Variants in KIAA1217 observed in about 807,000 individuals in gnomAD.
KIAA1217 encodes the protein KIAA1217.
KIAA1217 carries 88 observed loss-of-function variants against 163.9 expected under a neutral mutation model. The observed-to-expected ratio is 0.54, with a 90% CI of 0.45 to 0.64. The LOEUF is 0.64. Ranked by LOEUF, KIAA1217 falls within the 30% of genes least tolerant of loss-of-function variation. KIAA1217 has a pLI of 0.00. For missense variants in KIAA1217, 2,372 were observed against 2,475.0 expected (o/e 0.96, Z 0.88); for synonymous variants, 903 against 923.1 (o/e 0.98, Z 0.39).
intron 1 of KIAA1217, among the ~76,000 whole-genome samples, chr10:23,884,345 A>C (rs1282068125): frequency 6.6e-6 from 1 of 151,916 alleles, no homozygotes; most frequent in Non-Finnish European, 1.5e-5. Flanking sequence ...TTTAATTTGC[A>C]TTTCCCTGAT....
intron 1 of KIAA1217, among the ~76,000 whole-genome samples, chr10:23,906,227 G>A (rs929838490): frequency 1.3e-5 from 2 of 151,588 alleles, no homozygotes; most frequent in Non-Finnish European, 2.9e-5. Flanking sequence ...AATTTCAGAA[G>A]GGACATGAAC....
chr10:24,375,934 C>A (rs117770317), intron 2 of KIAA1217, among the ~76,000 whole-genome samples: 1 of 152,300 alleles, frequency 6.6e-6, no homozygotes, highest in Non-Finnish European at 1.5e-5. Flanking sequence ...GTTTAAGGGT[C>A]TGAAAACGGG....
intron 1 of KIAA1217, among the ~76,000 whole-genome samples, chr10:23,823,101 T>G (rs1337307041): frequency 6.6e-6 from 1 of 152,184 alleles, no homozygotes; most frequent in African/African-American, 2.4e-5. Context: ...GGTCCTCTGC[T>G]TAGAGTCATG....
At position 24,209,249 on chromosome 10, in the gene KIAA1217, G is replaced by T. The variant is rs995045004; in HGVS notation, c.56G>T (p.Arg19Ile). Residue 19 changes from arginine (R) to isoleucine (I), a missense_variant, in exon 1 of 21, where the codon AGA becomes ATA. Physicochemically the swap from Arg to Ile is moderately conservative, Grantham distance 97. Coordinates refer to ENST00000376454, the MANE Select transcript of KIAA1217 (RefSeq NM_019590.5). ...CCGTGCCTTCCTTACTCAGCAGACA[G>T]AAGACAGATGCAGGGTAAGTAACAG... is the stretch of plus-strand genomic sequence containing the variant. ...CEPCLPYSAD[R>I]RQMQEQGKGN... 1.2e-6 allele frequency: 2 copies of T among 1,613,278 alleles called. No individual in the cohort carries two copies. Among genetic ancestry groups the T allele is most frequent in the African/African-American group, 2.7e-5 (2 of 74,870 alleles).
In KIAA1217 at chr10:23,790,380, T is replaced by C. The variant is rs560779663; in HGVS notation, c.-321+95146T>C. On this transcript the variant is annotated intron_variant, in intron 1 of 18. Coordinates refer to the KIAA1217 transcript ENST00000376462. ...ATGCATATATACATATACATATGTATATATACATATGTATATATACATATA... is the reference window on the plus strand; with the variant it reads ...ATGCATATATACATATACATATGTACATATACATATGTATATATACATATA... Among the ~76,000 whole-genome samples, 12 of 81,244 alleles carry C rather than the reference T, an allele frequency of 1.5e-4. 4 individuals carry two copies. Among genetic ancestry groups the C allele is most frequent in the South Asian group, 9.9e-4 (3 of 3,016 alleles). 53.3% of individuals were successfully genotyped at this position (81,244 alleles called of 152,430 possible). A position where few individuals can be genotyped will look rare whatever the true frequency, so the allele number is the denominator to read the frequency against.
intron 2 of KIAA1217, among the ~76,000 whole-genome samples, chr10:24,178,733 A>T (rs1459459143): frequency 6.6e-6 from 1 of 152,242 alleles, no homozygotes; most frequent in Non-Finnish European, 1.5e-5. Context: ...CTTAGAACTA[A>T]GTGGCTCTGT....
chr10:24,528,311 TTTTTTTTTTTG>T (rs1245934557), intron 14 of KIAA1217, among the ~76,000 whole-genome samples, 192 bp downstream of exon 14: 5 of 85,780 alleles, frequency 5.8e-5, no homozygotes, highest in South Asian at 3.0e-4. Context: ...CTCTTTTTGT[TTTTTTTTTTTG>T]TTTTTTTTTT....
At chr10:24,335,378 C>T (rs10764461) in intron 2 of KIAA1217, among the ~76,000 whole-genome samples, 41,298 of 149,376 alleles carry the variant, frequency 0.28, 6,383 homozygotes, top group East Asian at 0.57. Context: ...CTGCAACCTC[C>T]GTCTCCCTGG....
chr10:24,175,707 G>A (rs568371822), intron 2 of KIAA1217, among the ~76,000 whole-genome samples: 1 of 152,246 alleles, frequency 6.6e-6, no homozygotes, highest in African/African-American at 2.4e-5. Context: ...TGTGTTTGGA[G>A]TTTCTTCCTT....
intron 2 of KIAA1217, among the ~76,000 whole-genome samples, chr10:24,028,261 G>A (rs79241741): frequency 0.011 from 1,712 of 151,828 alleles, 13 homozygotes; most frequent in Non-Finnish European, 0.019. Flanking sequence ...TATCCATGAG[G>A]AAAAAATGAA....
rs542279399 is a variant in KIAA1217 at position 24,277,457 on chromosome 10, G to C, written c.354+57548G>C. On this transcript the variant is annotated intron_variant, in intron 2 of 20. Coordinates refer to ENST00000376454, the MANE Select transcript of KIAA1217 (RefSeq NM_019590.5). Reference sequence around the variant, plus strand: ...GGGAGACAAGGCCACCTGCTATGCAGATGATATAGTTTGGCTGTGTACCCA... The same window carrying C: ...GGGAGACAAGGCCACCTGCTATGCACATGATATAGTTTGGCTGTGTACCCA... Among the ~76,000 whole-genome samples, 5 of 152,358 alleles carry C rather than the reference G, an allele frequency of 3.3e-5. No homozygotes were observed. In the South Asian group the frequency reaches 8.3e-4, roughly 25 times the overall value.
At chr10:23,864,691 TAGTC>T (rs376235372) in intron 1 of KIAA1217, among the ~76,000 whole-genome samples, 9 of 152,218 alleles carry the variant, frequency 5.9e-5, no homozygotes, top group East Asian at 5.8e-4. Flanking sequence ...ATGCATGTAT[TAGTC>T]AGGGTTCTCC....
At chr10:24,466,160 G>GT (rs1056455780) in intron 5 of KIAA1217, among the ~76,000 whole-genome samples, 1 of 151,956 alleles carries the variant, frequency 6.6e-6, no homozygotes, top group African/African-American at 2.4e-5. Context: ...AGCAAAGTGG[G>GT]TATTGGGTGC....
intron 1 of KIAA1217, among the ~76,000 whole-genome samples, chr10:23,803,358 C>A (rs775003121): frequency 2.0e-5 from 3 of 152,220 alleles, no homozygotes; most frequent in Non-Finnish European, 4.4e-5. Flanking sequence ...ATTTGCCTCC[C>A]AGAAGGGGTT....
intron 2 of KIAA1217, among the ~76,000 whole-genome samples, chr10:24,325,172 A>G (rs1414673622): frequency 6.6e-6 from 1 of 152,160 alleles, no homozygotes; most frequent in Non-Finnish European, 1.5e-5. Context: ...TTCCTTCAAC[A>G]TGTCCTTGTT....
chr10:24,299,471 T>G (rs1316443530), intron 2 of KIAA1217, among the ~76,000 whole-genome samples: 1 of 152,172 alleles, frequency 6.6e-6, no homozygotes, highest in Non-Finnish European at 1.5e-5. Context: ...TGATCGTAGC[T>G]CACTGCAGCC....
intron 2 of KIAA1217, among the ~76,000 whole-genome samples, chr10:24,040,969 C>T (rs1848605315): frequency 6.6e-6 from 1 of 152,212 alleles, no homozygotes; most frequent in South Asian, 2.1e-4. Context: ...GGGTAACTTG[C>T]CCAGGACTGG....
intron 2 of KIAA1217, among the ~76,000 whole-genome samples, chr10:24,378,243 A>G (rs1204325654): frequency 6.6e-6 from 1 of 152,168 alleles, no homozygotes; most frequent in Non-Finnish European, 1.5e-5. Context: ...AGTTCAGGTA[A>G]CTACTTCTTG....
intron 1 of KIAA1217, among the ~76,000 whole-genome samples, chr10:23,903,816 C>T (rs1045943599): frequency 6.6e-6 from 1 of 152,104 alleles, no homozygotes; most frequent in African/African-American, 2.4e-5. Flanking sequence ...CACCTCATCA[C>T]TTTCTAGCCC....
Sources: allele counts gnomAD v4.1 joint callset (sites outside exome capture counted in the v4.1 genomes callset), GRCh38; gene constraint gnomAD v4.1.1; transcripts MANE v1.5; gene names NCBI Gene and HGNC (gene_info 2026-07-23, HGNC 2026-07-21).